PALLD: variants seen among roughly 807,000 people sequenced by gnomAD.
The protein encoded by PALLD is palladin, cytoskeletal associated protein.
PALLD carries 61 observed loss-of-function variants against 123.5 expected under a neutral mutation model. That is an observed-to-expected ratio of 0.49 (90% CI 0.40 to 0.61). PALLD has a LOEUF of 0.61. Among genes scored for constraint, PALLD ranks in the 20% least tolerant of loss-of-function variants. The pLI is 0.00. For missense variants in PALLD, 1,273 were observed against 1,377.0 expected (o/e 0.92, Z 1.20); for synonymous variants, 465 against 496.4 (o/e 0.94, Z 0.84).
chr4:168,903,156 GACAA>G (rs34010675), intron 14 of PALLD, among the ~76,000 whole-genome samples: 2,596 of 152,204 alleles, frequency 0.017, 60 homozygotes, highest in African/African-American at 0.043. Flanking sequence ...GGGGATAGGT[GACAA>G]ACATTTAACC....
intron 15 of PALLD, among the ~76,000 whole-genome samples, chr4:168,906,423 A>G (rs997386720): frequency 1.1e-4 from 16 of 152,224 alleles, no homozygotes; most frequent in Admixed American, 7.8e-4. Context: ...GGCAGTGTGC[A>G]GAGTTTAAGA....
intron 10 of PALLD, among the ~76,000 whole-genome samples, chr4:168,843,010 G>A (rs908439885): frequency 6.6e-6 from 1 of 152,152 alleles, no homozygotes; most frequent in Non-Finnish European, 1.5e-5. Context: ...GTGTAGTTGT[G>A]TATATGTCAT....
At chr4:168,557,540 G>A (rs768234861) in intron 2 of PALLD, among the ~76,000 whole-genome samples, 1 of 152,104 alleles carries the variant, frequency 6.6e-6, no homozygotes, top group African/African-American at 2.4e-5. Flanking sequence ...CAATATGTTG[G>A]ACTAGGACAA....
chr4:168,689,882 C>T (rs1173522298), intron 6 of PALLD, among the ~76,000 whole-genome samples: 1 of 152,152 alleles, frequency 6.6e-6, no homozygotes, highest in Non-Finnish European at 1.5e-5. Flanking sequence ...TATTTAAGAA[C>T]AAGTATAAAA....
At chr4:168,526,786 T>C (rs1382293436) in intron 2 of PALLD, among the ~76,000 whole-genome samples, 2 of 151,972 alleles carry the variant, frequency 1.3e-5, no homozygotes, top group African/African-American at 2.4e-5. Flanking sequence ...TGGATCTTAG[T>C]TGATCAGAGC....
chr4:168,626,134 C>T (rs577155199), intron 2 of PALLD, among the ~76,000 whole-genome samples: 27 of 142,656 alleles, frequency 1.9e-4, no homozygotes, highest in African/African-American at 6.8e-4. Flanking sequence ...GGCGTAGTGG[C>T]GGGCACCTGT....
intron 10 of PALLD, among the ~76,000 whole-genome samples, chr4:168,774,234 G>A (rs1174100804): frequency 6.6e-6 from 1 of 152,122 alleles, no homozygotes; most frequent in Non-Finnish European, 1.5e-5. Flanking sequence ...ACCCAAGCCA[G>A]TCACAGCCCC....
chr4:168,864,562 C>A (rs1306085311), intron 10 of PALLD: 1 of 152,182 alleles, frequency 6.6e-6, no homozygotes, highest in Non-Finnish European at 1.5e-5. Flanking sequence ...ATACATACTT[C>A]AGTGGCTTTT....
intron 2 of PALLD, among the ~76,000 whole-genome samples, chr4:168,609,826 C>T (rs1773561424): frequency 6.6e-6 from 1 of 152,188 alleles, no homozygotes; most frequent in African/African-American, 2.4e-5. Flanking sequence ...TCAAAAATGT[C>T]ATCCCAAGTA....
intron 5 of PALLD, 102 bp from the exon 6 acceptor site, chr4:168,685,383 T>A: frequency 1.3e-6 from 1 of 798,936 alleles, no homozygotes; most frequent in South Asian, 1.3e-5. Context: ...CATTCACTCA[T>A]TTCCTTCAAG....
intron 2 of PALLD, among the ~76,000 whole-genome samples, chr4:168,521,675 A>G (rs1317232496): frequency 2.6e-5 from 4 of 152,218 alleles, no homozygotes; most frequent in Non-Finnish European, 4.4e-5. Flanking sequence ...CTAAGTATTC[A>G]CAATGGTATA....
intron 2 of PALLD, among the ~76,000 whole-genome samples, chr4:168,611,044 C>T (rs1040924766): frequency 8.5e-5 from 13 of 152,308 alleles, no homozygotes; most frequent in African/African-American, 3.1e-4. Context: ...GTGATGAATC[C>T]TGGAAGCAGA....
At chr4:168,863,484 G>A (rs1460715840) in intron 10 of PALLD, among the ~76,000 whole-genome samples, 1 of 152,210 alleles carries the variant, frequency 6.6e-6, no homozygotes, top group Non-Finnish European at 1.5e-5. Context: ...GCCACCAAGG[G>A]CGGAGACAGG....
intron 2 of PALLD, among the ~76,000 whole-genome samples, chr4:168,613,409 C>G (rs764189808): frequency 6.6e-6 from 1 of 152,204 alleles, no homozygotes; most frequent in Non-Finnish European, 1.5e-5. Context: ...TTTCAGAATT[C>G]CCCTCACCTA....
chr4:168,731,869 AT>A (rs560362835), intron 10 of PALLD, among the ~76,000 whole-genome samples: 1 of 152,242 alleles, frequency 6.6e-6, no homozygotes, highest in East Asian at 1.9e-4. Context: ...CAGGCTACAG[AT>A]TGTGGGCTAC....
intron 5 of PALLD, among the ~76,000 whole-genome samples, chr4:168,683,619 A>G (rs1446298023): frequency 3.9e-5 from 6 of 152,306 alleles, no homozygotes; most frequent in Admixed American, 2.0e-4. Context: ...AATATAAACT[A>G]CTGGAAAGTA....
chr4:168,554,015 G>C (rs1279825312), intron 2 of PALLD, among the ~76,000 whole-genome samples: 2 of 152,190 alleles, frequency 1.3e-5, no homozygotes, highest in African/African-American at 4.8e-5. Context: ...CAAGGTCCGT[G>C]GCAGCAGAGA....
At chr4:168,685,680 G>A (rs946906897) in intron 6 of PALLD, 121 bp downstream of exon 6, 2 of 768,558 alleles carry the variant, frequency 2.6e-6, no homozygotes, top group African/African-American at 3.4e-5. Context: ...TGATTACCAT[G>A]GTTACCTTTG....
intron 10 of PALLD, among the ~76,000 whole-genome samples, chr4:168,761,645 GTTTTTTTTTTTTT>G (rs70961555): frequency 0.55 from 49,982 of 90,578 alleles, 10,716 homozygotes; most frequent in Middle Eastern, 0.63. Context: ...GTTGTTGTTT[GTTTTTTTTTTTTT>G]TTTTTTTTTT....
Sources: allele counts gnomAD v4.1 joint callset (sites outside exome capture counted in the v4.1 genomes callset), GRCh38; gene constraint gnomAD v4.1.1; transcripts MANE v1.5; gene names NCBI Gene and HGNC (gene_info 2026-07-23, HGNC 2026-07-21).